The following SMIM36 variants were observed in gnomAD, a reference collection of about 807,000 sequenced individuals.
SMIM36 encodes small integral membrane protein 36.
intron 1 of SMIM36, among the ~76,000 whole-genome samples, chr17:55,484,902 G>A (rs1909579294): frequency 6.6e-6 from 1 of 150,614 alleles, no homozygotes; most frequent in African/African-American, 2.4e-5. Context: ...TAGATTAAAG[G>A]AGAGTTAAGA....
chr17:55,478,805 C>G (rs9915463), exon 3 of SMIM36: 34,156 of 151,844 alleles, frequency 0.22, 4,305 homozygotes, highest in Non-Finnish European at 0.28. Flanking sequence ...TGTGGAGCTC[C>G]TCAGACACCT....
intron 3 of SMIM36, chr17:55,468,088 C>A (rs1274495098): frequency 6.6e-6 from 1 of 152,346 alleles, no homozygotes; most frequent in Non-Finnish European, 1.5e-5. Flanking sequence ...CCTTTGCTGA[C>A]TCCTTTTTTG....
intron 1 of SMIM36, among the ~76,000 whole-genome samples, chr17:55,507,961 A>C (rs1910108063): frequency 6.6e-6 from 1 of 152,158 alleles, no homozygotes; most frequent in Non-Finnish European, 1.5e-5. Flanking sequence ...TCCCTTTACA[A>C]GGCACTGGAG....
upstream of SMIM36, among the ~76,000 whole-genome samples, chr17:55,516,368 C>T (rs1006539001): frequency 2.6e-5 from 4 of 152,066 alleles, no homozygotes; most frequent in African/African-American, 9.7e-5. Context: ...TTCTTGAGCT[C>T]CTTTGTAAAA....
At chr17:55,466,985 A>C (rs767185658) in intron 4 of SMIM36, among the ~76,000 whole-genome samples, 160 bp downstream of exon 4, 10 of 152,236 alleles carry the variant, frequency 6.6e-5, no homozygotes, top group Non-Finnish European at 1.3e-4. Flanking sequence ...AAATGAGGCC[A>C]TCAGGGAGAT....
At chr17:55,494,634 G>A (rs1909774724) in intron 1 of SMIM36, among the ~76,000 whole-genome samples, 1 of 152,064 alleles carries the variant, frequency 6.6e-6, no homozygotes, top group African/African-American at 2.4e-5. Flanking sequence ...ATGTGTATAT[G>A]TAATATGTAA....
At chr17:55,497,082 T>C (rs1281168923) in intron 1 of SMIM36, among the ~76,000 whole-genome samples, 1 of 152,128 alleles carries the variant, frequency 6.6e-6, no homozygotes, top group Non-Finnish European at 1.5e-5. Context: ...TTCACTCTAA[T>C]AGTTTTGTGC....
the SMIM36 span, among the ~76,000 whole-genome samples, chr17:55,517,027 G>T: frequency 5.8e-3 from 886 of 152,278 alleles, 10 homozygotes; most frequent in African/African-American, 0.019. Context: ...AGGCAGAAAG[G>T]GTTCAGCTTT....
intron 1 of SMIM36, among the ~76,000 whole-genome samples, chr17:55,485,179 T>C (rs1296009142): frequency 6.6e-6 from 1 of 152,248 alleles, no homozygotes; most frequent in Non-Finnish European, 1.5e-5. Context: ...AAAATCTTGA[T>C]AATTACTGGT....
upstream of SMIM36, among the ~76,000 whole-genome samples, chr17:55,513,794 G>T (rs1910221961): frequency 1.3e-5 from 2 of 152,156 alleles, no homozygotes; most frequent in African/African-American, 4.8e-5. Flanking sequence ...ATATGCAACA[G>T]ATCTGCTCTA....
At chr17:55,450,980 G>A (rs1178181728) in intron 4 of SMIM36, among the ~76,000 whole-genome samples, 4 of 151,826 alleles carry the variant, frequency 2.6e-5, no homozygotes, top group Non-Finnish European at 5.9e-5. Flanking sequence ...TCCGCCTCCC[G>A]AGTTCAAGCA....
At chr17:55,452,007 G>A (rs2143220769) in intron 4 of SMIM36, among the ~76,000 whole-genome samples, 1 of 151,380 alleles carries the variant, frequency 6.6e-6, no homozygotes, top group East Asian at 1.9e-4. Context: ...GGCTGAGGAG[G>A]GAGGATCACT....
chr17:55,493,296 GT>G (rs1181253746), intron 1 of SMIM36, among the ~76,000 whole-genome samples: 1 of 152,212 alleles, frequency 6.6e-6, no homozygotes, highest in Non-Finnish European at 1.5e-5. Flanking sequence ...CTACTTTTGT[GT>G]AGCTGAGTAA....
At chr17:55,526,573 C>A in the SMIM36 span, among the ~76,000 whole-genome samples, 1 of 152,144 alleles carries the variant, frequency 6.6e-6, no homozygotes, top group African/African-American at 2.4e-5. Context: ...TCCTCGCCAG[C>A]AGAGGGCATT....
intron 4 of SMIM36, among the ~76,000 whole-genome samples, chr17:55,451,382 T>A (rs113259287): frequency 0.017 from 2,553 of 152,350 alleles, 52 homozygotes; most frequent in Middle Eastern, 0.068. Context: ...CTTGTCTTTG[T>A]GTCTTTGCAC....
At chr17:55,524,583 T>C in the SMIM36 span, among the ~76,000 whole-genome samples, 1 of 152,176 alleles carries the variant, frequency 6.6e-6, no homozygotes, top group Non-Finnish European at 1.5e-5. Flanking sequence ...CCAGCATCTG[T>C]TATTTTTTGA....
chr17:55,498,840 A>G (rs1909856919), intron 1 of SMIM36, among the ~76,000 whole-genome samples: 1 of 151,880 alleles, frequency 6.6e-6, no homozygotes, highest in Non-Finnish European at 1.5e-5. Flanking sequence ...CTCTACTAAA[A>G]ACACAAAAAA....
intron 1 of SMIM36, among the ~76,000 whole-genome samples, chr17:55,496,006 C>T (rs1022673103): frequency 2.6e-5 from 4 of 152,160 alleles, no homozygotes; most frequent in African/African-American, 9.7e-5. Flanking sequence ...ATAATGACTG[C>T]TGCGTATACA....
At chr17:55,464,689 A>G (rs1249545839) in intron 4 of SMIM36, among the ~76,000 whole-genome samples, 1 of 152,216 alleles carries the variant, frequency 6.6e-6, no homozygotes, top group East Asian at 1.9e-4. Context: ...GGGATTACAT[A>G]GTCACAAAGT....
Sources: gnomAD v4.1 joint callset for allele counts (sites outside exome capture counted in the v4.1 genomes callset) on GRCh38, gnomAD v4.1.1 for gene constraint, MANE v1.5 for transcripts, NCBI Gene and HGNC (gene_info 2026-07-23, HGNC 2026-07-21) for gene names.